The following NALCN variants were observed in gnomAD, a reference collection of about 807,000 sequenced individuals.
NALCN encodes sodium leak channel, non-selective, also known as sodium leak channel NALCN.
NALCN carries 111 observed loss-of-function variants against 225.3 expected under a neutral mutation model. The observed-to-expected ratio is 0.49, with a 90% confidence interval of 0.42 to 0.58. NALCN has a LOEUF of 0.58. Among genes scored for constraint, NALCN ranks in the 20% least tolerant of loss-of-function variants. The pLI is 0.00. For synonymous variants in NALCN, 764 were observed against 769.0 expected (o/e 0.99, Z 0.11); for missense variants, 1,378 against 2,202.4 (o/e 0.63, Z 7.49).
intron 17 of NALCN, among the ~76,000 whole-genome samples, chr13:101,129,927 T>C (rs1033865570): frequency 6.6e-6 from 1 of 151,748 alleles, no homozygotes; most frequent in Non-Finnish European, 1.5e-5. Context: ...TGCCCATATG[T>C]TCTCATTGTT....
intron 18 of NALCN, among the ~76,000 whole-genome samples, chr13:101,115,771 C>T (rs971340384): frequency 1.3e-5 from 2 of 152,178 alleles, no homozygotes; most frequent in Non-Finnish European, 2.9e-5. Context: ...GACAGTCTCA[C>T]TTTTCTTAGA....
chr13:101,345,476 C>CATTATTCATTGT, intron 6 of NALCN, 56 bp from the exon 7 acceptor site: 1 of 1,575,088 alleles, frequency 6.3e-7, no homozygotes, highest in Non-Finnish European at 8.7e-7. Context: ...ATGTTGATTA[C>CATTATTCATTGT]AATGAATAAT....
chr13:101,067,174 G>A (rs1475345008), intron 39 of NALCN, among the ~76,000 whole-genome samples: 1 of 150,350 alleles, frequency 6.7e-6, no homozygotes, highest in East Asian at 2.0e-4. Context: ...GGAAGAACAG[G>A]AGGAAGTGGA....
At chr13:101,241,183 C>T (rs2041745008) in intron 11 of NALCN, among the ~76,000 whole-genome samples, 1 of 152,202 alleles carries the variant, frequency 6.6e-6, no homozygotes, top group Non-Finnish European at 1.5e-5. Flanking sequence ...CTTATCTCAT[C>T]CATCAATTTG....
chr13:101,099,024 G>T (rs970349421), intron 27 of NALCN, among the ~76,000 whole-genome samples: 2 of 142,100 alleles, frequency 1.4e-5, no homozygotes, highest in African/African-American at 6.1e-5. Flanking sequence ...TTCAGCTTTG[G>T]CTGGGTATGA....
At chr13:101,408,080 C>T (rs577674383) in intron 1 of NALCN, among the ~76,000 whole-genome samples, 100 of 152,224 alleles carry the variant, frequency 6.6e-4, no homozygotes, top group African/African-American at 2.3e-3. Context: ...TGATAAACCA[C>T]GAGGGAGCCA....
intron 43 of NALCN, chr13:101,057,613 G>T: frequency 3.1e-6 from 1 of 319,510 alleles, no homozygotes; most frequent in Admixed American, 4.7e-5. Flanking sequence ...GAATACTTTT[G>T]CCCATGTTTG....
chr13:101,111,691 T>A (rs2035445954), intron 18 of NALCN, among the ~76,000 whole-genome samples: 1 of 152,186 alleles, frequency 6.6e-6, no homozygotes, highest in African/African-American at 2.4e-5. Context: ...TGAATTAGTC[T>A]CATAAGATCT....
intron 7 of NALCN, among the ~76,000 whole-genome samples, chr13:101,308,462 C>A (rs185091697): frequency 1.3e-5 from 2 of 152,282 alleles, no homozygotes; most frequent in African/African-American, 4.8e-5. Context: ...GCCACAGAGG[C>A]CTGCACTTTG....
intron 3 of NALCN, among the ~76,000 whole-genome samples, chr13:101,390,251 A>T (rs1019743222): frequency 1.3e-5 from 2 of 152,114 alleles, no homozygotes; most frequent in Admixed American, 1.3e-4. Context: ...CACAGAAATG[A>T]TGTCTAAATG....
intron 17 of NALCN, among the ~76,000 whole-genome samples, chr13:101,127,296 G>A (rs1296500931): frequency 6.6e-6 from 1 of 152,176 alleles, no homozygotes; most frequent in East Asian, 1.9e-4. Context: ...ACTAATGCCA[G>A]AGGTAGCAGG....
intron 15 of NALCN, among the ~76,000 whole-genome samples, chr13:101,162,437 T>C (rs2038234473): frequency 6.6e-6 from 1 of 152,156 alleles, no homozygotes; most frequent in African/African-American, 2.4e-5. Context: ...CCAAACGGAC[T>C]GTGTGAAAGT....
chr13:101,134,771 G>C (rs923291361), intron 17 of NALCN, among the ~76,000 whole-genome samples: 7 of 152,024 alleles, frequency 4.6e-5, no homozygotes, highest in African/African-American at 1.7e-4. Flanking sequence ...CAGTAGCCTG[G>C]GGTCACTTGG....
intron 19 of NALCN, 106 bp from the exon 20 acceptor site, chr13:101,110,794 A>C (rs1446080650): frequency 1.8e-5 from 19 of 1,080,172 alleles, no homozygotes; most frequent in Non-Finnish European, 2.7e-5. Flanking sequence ...CTACAACGCC[A>C]CAAATGCCTA....
Position 101,091,096 on chromosome 13 carries a change from GC to G in NALCN, c.3270-1131del, listed in dbSNP as rs2034208175. Among the ~76,000 whole-genome samples, 5 of 152,228 alleles carry G rather than the reference GC, an allele frequency of 3.3e-5. No homozygotes were observed. The South Asian group carries it at 1.0e-3, about 32-fold the overall frequency. ...AACATTTTTGTTGTTAATAGAAGAAGCTTTCAGTGGCTTTTCCCCCTCTTTC... is the reference window on the plus strand; with the variant it reads ...AACATTTTTGTTGTTAATAGAAGAAGTTTCAGTGGCTTTTCCCCCTCTTTC... On this transcript the variant is annotated intron_variant, in intron 28 of 43. Coordinates refer to ENST00000251127, the MANE Select transcript of NALCN (RefSeq NM_052867.4).
intron 28 of NALCN, among the ~76,000 whole-genome samples, chr13:101,094,577 T>A (rs1335973965): frequency 4.6e-5 from 7 of 152,138 alleles, no homozygotes; most frequent in African/African-American, 7.2e-5. Flanking sequence ...GCTTTTCTAG[T>A]CAGCAGTGGG....
intron 14 of NALCN, among the ~76,000 whole-genome samples, chr13:101,179,387 C>T (rs1465720480): frequency 1.3e-5 from 2 of 152,100 alleles, no homozygotes; most frequent in Non-Finnish European, 2.9e-5. Context: ...AATATACAGA[C>T]ATAAAATTAG....
At chr13:101,339,983 C>G (rs1156245261) in intron 7 of NALCN, among the ~76,000 whole-genome samples, 1 of 152,092 alleles carries the variant, frequency 6.6e-6, no homozygotes, top group East Asian at 1.9e-4. Flanking sequence ...GAACACCGTG[C>G]CCCGGCGGGT....
chr13:101,138,986 G>T (rs1466758170), intron 17 of NALCN, among the ~76,000 whole-genome samples: 3 of 152,144 alleles, frequency 2.0e-5, no homozygotes, highest in African/African-American at 7.2e-5. Flanking sequence ...TAAAGGGATG[G>T]GGAAATGACC....
Sources: gnomAD v4.1 joint callset for allele counts (sites outside exome capture counted in the v4.1 genomes callset) on GRCh38, gnomAD v4.1.1 for gene constraint, MANE v1.5 for transcripts, NCBI Gene and HGNC (gene_info 2026-07-23, HGNC 2026-07-21) for gene names.